BNC2: variants seen among roughly 807,000 people sequenced by gnomAD.
The protein encoded by BNC2 is basonuclin zinc finger protein 2, also known as zinc finger protein basonuclin-2.
A neutral mutation model predicts 76.3 loss-of-function variants in BNC2; 20 were observed. The ratio of observed to expected loss-of-function variants is 0.26; its 90% CI spans 0.18 to 0.38. The LOEUF (loss-of-function observed/expected upper bound fraction) is 0.38. Ranked by LOEUF, BNC2 falls within the 10% of genes least tolerant of loss-of-function variation. BNC2 has a pLI of 1.00. For synonymous variants in BNC2, 582 were observed against 514.8 expected, an observed-to-expected ratio of 1.13 and a Z score of -1.77; for missense variants, 1,382 against 1,399.8, an observed-to-expected ratio of 0.99 and a Z score of 0.20.
At chr9:16,663,232 C>T (rs1265432504) in intron 3 of BNC2, among the ~76,000 whole-genome samples, 1 of 151,216 alleles carries the variant, frequency 6.6e-6, no homozygotes, top group Non-Finnish European at 1.5e-5. Context: ...CGGGTTCAAG[C>T]CATTCTCCTG....
intron 3 of BNC2, among the ~76,000 whole-genome samples, chr9:16,593,730 G>A (rs1007731676): frequency 6.6e-6 from 1 of 151,776 alleles, no homozygotes; most frequent in Non-Finnish European, 1.5e-5. Flanking sequence ...AGGCTACTTA[G>A]GCAGCTGTAA....
At chr9:16,582,808 T>C (rs967310459) in intron 4 of BNC2, among the ~76,000 whole-genome samples, 175 bp downstream of exon 4, 1 of 151,974 alleles carries the variant, frequency 6.6e-6, no homozygotes, top group African/African-American at 2.4e-5. Flanking sequence ...GAATATGCTG[T>C]TTTAGAGCCG....
intron 1 of BNC2, among the ~76,000 whole-genome samples, chr9:16,761,239 C>T (rs1432231742): frequency 6.6e-6 from 1 of 151,988 alleles, no homozygotes; most frequent in Non-Finnish European, 1.5e-5. Flanking sequence ...CAGAGTAAGA[C>T]CGTCTCAAAA....
chr9:16,680,159 T>C (rs1822779740), intron 3 of BNC2, among the ~76,000 whole-genome samples: 1 of 152,226 alleles, frequency 6.6e-6, no homozygotes, highest in African/African-American at 2.4e-5. Flanking sequence ...CAACTTGTGG[T>C]AAATGGTTTT....
intron 5 of BNC2, among the ~76,000 whole-genome samples, chr9:16,507,200 T>A (rs1587110722): frequency 2.0e-5 from 3 of 151,502 alleles, no homozygotes; most frequent in Admixed American, 6.6e-5. Flanking sequence ...TAGAGAAATC[T>A]CATCTTTCTC....
Position 16,410,496 on chromosome 9 carries a change from T to G in BNC2, c.*8493A>C, listed in dbSNP as rs144760297. 13 of 152,776 alleles carry G rather than the reference T, an allele frequency of 8.5e-5. No individual in the cohort carries two copies. In the East Asian group the frequency reaches 2.3e-3, roughly 27 times the overall value. 9.5% of individuals were successfully genotyped at this position (152,776 alleles called of 1,614,324 possible). A position where few individuals can be genotyped will look rare whatever the true frequency, so the allele number is the denominator to read the frequency against. On this transcript the variant is annotated 3_prime_UTR_variant, in exon 7 of 7. Transcript: ENST00000380672. ...CACTGGCAGGAAAATGGTGAGATTC[T>G]CTGCAGGGCAGCTGAACCAAAGTTT...
intron 3 of BNC2, among the ~76,000 whole-genome samples, chr9:16,664,346 G>C (rs1355415266): frequency 6.6e-6 from 1 of 152,136 alleles, no homozygotes; most frequent in Non-Finnish European, 1.5e-5. Context: ...ACTTTGCCCA[G>C]AATGTCTGAC....
chr9:16,789,552 C>CT (rs1817442771), intron 1 of BNC2, among the ~76,000 whole-genome samples: 1 of 152,132 alleles, frequency 6.6e-6, no homozygotes, highest in African/African-American at 2.4e-5. Context: ...TTCAACGCAG[C>CT]TTTTCCAGAT....
At chr9:16,665,478 GA>G (rs1563888043) in intron 3 of BNC2, among the ~76,000 whole-genome samples, 1 of 127,396 alleles carries the variant, frequency 7.8e-6, no homozygotes, top group Non-Finnish European at 1.6e-5. Flanking sequence ...AAGAAAGAAA[GA>G]AAGAAAGAAA....
intron 1 of BNC2, among the ~76,000 whole-genome samples, chr9:16,755,663 T>C (rs1177707855): frequency 6.6e-6 from 1 of 152,128 alleles, no homozygotes; most frequent in Non-Finnish European, 1.5e-5. Flanking sequence ...TTCTCCACTA[T>C]GAATGCACTC....
chr9:16,569,881 C>A (rs1819271821), intron 4 of BNC2, among the ~76,000 whole-genome samples: 1 of 152,178 alleles, frequency 6.6e-6, no homozygotes. Flanking sequence ...TTGCCTCAGC[C>A]AGCTTAAAGT....
At chr9:16,479,927 A>G (rs1822011029) in intron 5 of BNC2, among the ~76,000 whole-genome samples, 1 of 152,196 alleles carries the variant, frequency 6.6e-6, no homozygotes, top group South Asian at 2.1e-4. Flanking sequence ...AAATCTTTAA[A>G]ATTATTTGCA....
intron 5 of BNC2, among the ~76,000 whole-genome samples, chr9:16,507,773 G>A (rs1303949111): frequency 6.6e-6 from 1 of 151,986 alleles, no homozygotes. Flanking sequence ...TCATATAGTA[G>A]GTCCATAATA....
chr9:16,606,519 G>A (rs1201318680), intron 3 of BNC2, among the ~76,000 whole-genome samples: 1 of 150,884 alleles, frequency 6.6e-6, no homozygotes, highest in East Asian at 1.9e-4. Flanking sequence ...GGTCTCACAA[G>A]ATCTGATAGC....
chr9:16,699,369 T>C (rs891117783), intron 3 of BNC2, among the ~76,000 whole-genome samples: 2 of 152,208 alleles, frequency 1.3e-5, no homozygotes, highest in Non-Finnish European at 2.9e-5. Flanking sequence ...AAAAGGTTCA[T>C]AAAGTACCCA....
chr9:16,511,656 T>C (rs755977661), intron 5 of BNC2, among the ~76,000 whole-genome samples: 1 of 152,068 alleles, frequency 6.6e-6, no homozygotes, highest in Non-Finnish European at 1.5e-5. Context: ...CTTGAACTTC[T>C]GAGCTCAAGG....
chr9:16,581,228 C>A (rs1457197757), intron 4 of BNC2, among the ~76,000 whole-genome samples: 1 of 152,150 alleles, frequency 6.6e-6, no homozygotes, highest in African/African-American at 2.4e-5. Context: ...CTAATCCAAT[C>A]TGACTGGTGT....
chr9:16,830,610 A>G (rs577215440), intron 1 of BNC2, among the ~76,000 whole-genome samples: 1 of 152,216 alleles, frequency 6.6e-6, no homozygotes, highest in Non-Finnish European at 1.5e-5. Flanking sequence ...TGGATACAGA[A>G]GGCCAACTGT....
chr9:16,591,846 T>A (rs1819938440), intron 3 of BNC2, among the ~76,000 whole-genome samples: 1 of 152,132 alleles, frequency 6.6e-6, no homozygotes, highest in Non-Finnish European at 1.5e-5. Context: ...CAAAGAAAGG[T>A]CCTTACATTT....
Sources: gnomAD v4.1 joint callset for allele counts (sites outside exome capture counted in the v4.1 genomes callset) on GRCh38, gnomAD v4.1.1 for gene constraint, MANE v1.5 for transcripts, NCBI Gene and HGNC (gene_info 2026-07-23, HGNC 2026-07-21) for gene names.